The following CCDC178 variants were observed in gnomAD, a reference collection of about 807,000 sequenced individuals.
The protein encoded by CCDC178 is coiled-coil domain-containing protein 178.
Under a neutral mutation model 117.4 loss-of-function variants are expected in CCDC178, and 126 were observed. The observed-to-expected ratio is 1.07, with a 90% confidence interval of 0.93 to 1.24. CCDC178 has a LOEUF of 1.24. Ranked by LOEUF, CCDC178 falls within the 50% of genes most tolerant of loss-of-function variation. The probability of loss-of-function intolerance (pLI) is 0.00; values close to 1 mark genes in which losing one functional copy is unlikely to be tolerated. For synonymous variants in CCDC178, 283 were observed against 313.4 expected (o/e 0.90, Z 1.02); for missense variants, 1,030 against 986.9 (o/e 1.04, Z -0.59).
Position 33,370,172 on chromosome 18 carries a change from A to G in CCDC178, c.226T>C (p.Tyr76His), listed in dbSNP as rs1219847717. Residue 76 changes from tyrosine to histidine, a missense_variant, in exon 6 of 23, where the codon TAC becomes CAC. Physicochemically the swap from Tyr to His is moderately conservative, Grantham distance 83. Coordinates refer to ENST00000383096, the MANE Select transcript of CCDC178 (RefSeq NM_001105528.4). ...TGACGTCGACATGGGTAGCTAAAGT[A>G]AATGCCTTTATTCACCCCTAAAGAG... is the stretch of plus-strand genomic sequence containing the variant. Reference protein sequence around the residue: ...TNTEGVNKGIYFSYPCRRHSC... With the variant: ...TNTEGVNKGIHFSYPCRRHSC... 1.9e-6 allele frequency: 3 copies of G among 1,602,996 alleles called. No individual in the cohort carries two copies. The African/African-American group carries it at 4.1e-5, about 22-fold the overall frequency.
intron 22 of CCDC178, among the ~76,000 whole-genome samples, chr18:32,967,677 TCTTCC>T: frequency 6.6e-6 from 1 of 151,818 alleles, no homozygotes; most frequent in South Asian, 2.1e-4. Flanking sequence ...ATTTTGTTGC[TCTTCC>T]TGTACTCCTT....
At chr18:33,136,284 A>T (rs2058125099) in intron 20 of CCDC178, among the ~76,000 whole-genome samples, 1 of 152,178 alleles carries the variant, frequency 6.6e-6, no homozygotes, top group Non-Finnish European at 1.5e-5. Context: ...AAAAACTACT[A>T]CAAGAATAGC....
chr18:33,346,230 G>A lies in CCDC178; in HGVS notation c.639C>T (p.Leu213=). Residue 213 remains leucine, a synonymous_variant, in exon 9 of 23, where the codon CTC becomes CTT. Transcript: ENST00000383096. ...DSWSVWKLQE[L]PLAVQKEHEA... ...TATTACCTTTCTGCACAGCCAATGG[G>A]AGTTCTTGAAGTTTCCAGACTGACC... 1 of 1,612,486 alleles carries A rather than the reference G, an allele frequency of 6.2e-7. No homozygotes were observed. The highest frequency in any genetic ancestry group is 8.5e-7 in the Non-Finnish European group (1 of 1,178,796).
chr18:33,366,240 G>A (rs897700902), intron 6 of CCDC178, among the ~76,000 whole-genome samples: 1 of 152,036 alleles, frequency 6.6e-6, no homozygotes, highest in African/African-American at 2.4e-5. Flanking sequence ...TGAGGAGGGA[G>A]GATTGTTTGA....
At chr18:33,075,067 G>C (rs1440520566) in intron 21 of CCDC178, among the ~76,000 whole-genome samples, 1 of 152,172 alleles carries the variant, frequency 6.6e-6, no homozygotes, top group Non-Finnish European at 1.5e-5. Flanking sequence ...TCTATATTAG[G>C]AGCAGACATA....
chr18:33,348,188 T>C (rs1189565706), intron 8 of CCDC178, among the ~76,000 whole-genome samples: 1 of 151,930 alleles, frequency 6.6e-6, no homozygotes, highest in African/African-American at 2.4e-5. Flanking sequence ...ATGAAAGCTT[T>C]GAAAAACAAA....
chr18:32,971,954 T>C (rs2054936145), intron 22 of CCDC178, among the ~76,000 whole-genome samples: 1 of 152,154 alleles, frequency 6.6e-6, no homozygotes, highest in Non-Finnish European at 1.5e-5. Context: ...AAACTTTTTT[T>C]CCCATTTTAT....
intron 20 of CCDC178, among the ~76,000 whole-genome samples, chr18:33,199,653 C>A (rs72947172): frequency 0.03 from 4,559 of 152,208 alleles, 98 homozygotes; most frequent in East Asian, 0.12. Flanking sequence ...TCTTTTGTTG[C>A]CGCTATTCTT....
intron 21 of CCDC178, among the ~76,000 whole-genome samples, chr18:33,032,456 G>C (rs1475894206): frequency 6.6e-6 from 1 of 152,110 alleles, no homozygotes; most frequent in Admixed American, 6.6e-5. Flanking sequence ...GGGTTCTCAA[G>C]AGGAGGCGAA....
chr18:33,042,835 T>C (rs1191327288), intron 21 of CCDC178, among the ~76,000 whole-genome samples: 1 of 151,866 alleles, frequency 6.6e-6, no homozygotes, highest in Admixed American at 6.6e-5. Context: ...TACATTTGAG[T>C]ATTAAAAAGT....
Position 33,292,954 on chromosome 18 carries a change from C to T in CCDC178, c.1176+205G>A, listed in dbSNP as rs563342328. ...ATGCTGTGCCCAGACTTCTGACTTACGAAAAGGTTGAGATAATAAATGGGT... is the reference window on the plus strand; with the variant it reads ...ATGCTGTGCCCAGACTTCTGACTTATGAAAAGGTTGAGATAATAAATGGGT... On this transcript the variant is annotated intron_variant, in intron 12 of 22. Coordinates refer to ENST00000383096, the MANE Select transcript of CCDC178 (RefSeq NM_001105528.4). 2.8e-4 allele frequency among the ~76,000 whole-genome samples: 42 copies of T among 151,986 alleles called. No individual in the cohort carries two copies. In the South Asian group the frequency reaches 3.3e-3, roughly 12 times the overall value.
Position 33,252,023 on chromosome 18 carries a change from T to A in CCDC178, c.1410-6595A>T, listed in dbSNP as rs537281626. 5.3e-5 allele frequency among the ~76,000 whole-genome samples: 8 copies of A among 151,834 alleles called. No individual in the cohort carries two copies. The South Asian group carries it at 1.7e-3, about 31-fold the overall frequency. ...AATAAGGTGGGATATAAAAATGTAG[T>A]AAGGATGATAGTTTGGTCATCATAG... is the stretch of plus-strand genomic sequence containing the variant. On this transcript the variant is annotated intron_variant, in intron 14 of 22. Coordinates refer to ENST00000383096, the MANE Select transcript of CCDC178 (RefSeq NM_001105528.4).
In CCDC178 at chr18:33,340,424, G is replaced by T. The variant is rs564856243; in HGVS notation, c.658+5787C>A. Among the ~76,000 whole-genome samples, 10 of 152,094 alleles carry T rather than the reference G, an allele frequency of 6.6e-5. No individual in the cohort carries two copies. The East Asian group carries it at 1.9e-3, about 29-fold the overall frequency. ...TAGAAAAGAAAAACCCATTTTTTGAGGATAAATTCAAGCTGGCTGCAGAAA... is the reference window on the plus strand; with the variant it reads ...TAGAAAAGAAAAACCCATTTTTTGATGATAAATTCAAGCTGGCTGCAGAAA... On this transcript the variant is annotated intron_variant, in intron 9 of 22. Transcript: ENST00000383096.
intron 21 of CCDC178, among the ~76,000 whole-genome samples, chr18:33,022,608 A>T (rs1181684531): frequency 1.3e-5 from 2 of 152,192 alleles, no homozygotes; most frequent in Non-Finnish European, 2.9e-5. Context: ...AATATAGAAA[A>T]ATCCAAGTGA....
At chr18:33,290,141 C>T (rs2144863443) in intron 12 of CCDC178, among the ~76,000 whole-genome samples, 1 of 152,176 alleles carries the variant, frequency 6.6e-6, no homozygotes, top group East Asian at 1.9e-4. Context: ...ATTTAAATAA[C>T]ACAATTAGCA....
intron 5 of CCDC178, among the ~76,000 whole-genome samples, chr18:33,382,608 C>T (rs902991725): frequency 5.9e-5 from 9 of 152,098 alleles, no homozygotes; most frequent in African/African-American, 2.2e-4. Context: ...CCTCCCCATG[C>T]CAAAGGAAGT....
intron 20 of CCDC178, among the ~76,000 whole-genome samples, chr18:33,193,105 A>G (rs2144524390): frequency 6.7e-6 from 1 of 150,266 alleles, no homozygotes; most frequent in Admixed American, 6.6e-5. Context: ...TAAACAAAAT[A>G]CAAAAAAATT....
intron 11 of CCDC178, among the ~76,000 whole-genome samples, chr18:33,316,097 G>A (rs577243945): frequency 6.6e-6 from 1 of 152,114 alleles, no homozygotes; most frequent in Non-Finnish European, 1.5e-5. Context: ...TGCTCTCAGC[G>A]CCTCCTCAGC....
chr18:33,292,288 G>A (rs1318052863), intron 12 of CCDC178, among the ~76,000 whole-genome samples: 1 of 152,154 alleles, frequency 6.6e-6, no homozygotes, highest in Non-Finnish European at 1.5e-5. Context: ...GGATGGAACA[G>A]GAGGGTATTA....
Sources: gnomAD v4.1 joint callset for allele counts (sites outside exome capture counted in the v4.1 genomes callset) on GRCh38, gnomAD v4.1.1 for gene constraint, MANE v1.5 for transcripts, NCBI Gene and HGNC (gene_info 2026-07-23, HGNC 2026-07-21) for gene names.